The following ZNF227 variants were observed in gnomAD, a reference collection of about 807,000 sequenced individuals.
ZNF227 encodes zinc finger protein 227.
Under a neutral mutation model 13.2 loss-of-function variants are expected in ZNF227, and 12 were observed. The ratio of observed to expected loss-of-function variants is 0.91; its 90% CI spans 0.58 to 1.47. The LOEUF (loss-of-function observed/expected upper bound fraction) is 1.47. Ranked by LOEUF, ZNF227 falls within the 40% of genes most tolerant of loss-of-function variation. The pLI, the probability that ZNF227 is intolerant of heterozygous loss-of-function variation, is 0.00. For missense variants in ZNF227, 885 were observed against 967.5 expected, an observed-to-expected ratio of 0.91 and a Z score of 1.13; for synonymous variants, 338 against 326.0, an observed-to-expected ratio of 1.04 and a Z score of -0.40.
chr19:44,236,888 G>A lies in ZNF227; in HGVS notation c.*58G>A. On this transcript the variant is annotated 3_prime_UTR_variant, in exon 6 of 6. Transcript: ENST00000313040. ...ATGCACATCTTCAAGTTTTTGGCTA[G>A]TCCATGCTGGTGGTAAACCCTGTAA... 2.1e-6 allele frequency: 3 copies of A among 1,420,292 alleles called. No homozygotes were observed. The highest frequency in any genetic ancestry group is 2.9e-6 in the Non-Finnish European group (3 of 1,052,148). The allele number at this position is 1,420,292 out of a possible 1,614,324, so 88.0% of individuals were successfully genotyped here.
chr19:44,235,145 T>G lies in ZNF227; in HGVS notation c.715T>G (p.Ser239Ala). 3.1e-6 allele frequency: 5 copies of G among 1,614,112 alleles called. No homozygotes were observed. Among genetic ancestry groups the G allele is most frequent in the Non-Finnish European group, 4.2e-6 (5 of 1,180,022 alleles). Reference sequence around the variant, plus strand: ...ATATGGCAAAATCATTAGTGATGGCTCCAATCAGAAATTACCCTTAGGAGA... The same window carrying G: ...ATATGGCAAAATCATTAGTGATGGCGCCAATCAGAAATTACCCTTAGGAGA... Reference protein sequence around the residue: ...NEYGKIISDGSNQKLPLGEKP... With the variant: ...NEYGKIISDGANQKLPLGEKP... The change falls in exon 6 of 6, where the codon TCC becomes GCC. Residue 239 changes from serine to alanine, a missense_variant. By Grantham distance (99) the Ser-to-Ala change is moderately conservative. Transcript: ENST00000313040.
chr19:44,223,369 AT>A (rs1218217600), intron 3 of ZNF227, among the ~76,000 whole-genome samples: 1 of 152,186 alleles, frequency 6.6e-6, no homozygotes, highest in Non-Finnish European at 1.5e-5. Context: ...CTCTGGTAGA[AT>A]TCTGCTGTGA....
At chr19:44,230,926 A>AAAAAAAAAAAAAAAATATATATATATAT (rs1555792168) in intron 5 of ZNF227, among the ~76,000 whole-genome samples, 2 of 68,114 alleles carry the variant, frequency 2.9e-5, no homozygotes, top group African/African-American at 2.0e-4. Flanking sequence ...AAAAAAAAAA[A>AAAAAAAAAAAAAAAATATATATATATAT]ATATATATAT....
chr19:44,219,498 TAAAG>T (rs371339147), intron 3 of ZNF227, among the ~76,000 whole-genome samples: 1,555 of 152,096 alleles, frequency 0.01, 9 homozygotes, highest in Non-Finnish European at 0.017. Context: ...AGGAGTGTCA[TAAAG>T]AAAAGAAATT....
upstream of ZNF227, among the ~76,000 whole-genome samples, chr19:44,212,233 TC>T (rs1158344024): frequency 6.6e-6 from 1 of 151,958 alleles, no homozygotes; most frequent in African/African-American, 2.4e-5. Context: ...AAACCTAAAT[TC>T]CACTGACATC....
chr19:44,236,216 A>C lies in ZNF227; in HGVS notation c.1786A>C (p.Arg596=), dbSNP rs1333653919. Residue 596 remains arginine, a synonymous_variant, in exon 6 of 6, where the codon AGA becomes CGA. Coordinates refer to ENST00000313040, the MANE Select transcript of ZNF227 (RefSeq NM_182490.3). ...GAGATCAAATCTTCATGCACATCAA[A>C]GAGTTCACTCAGGAGAAAAACCCTA... The part of the protein sequence containing the change: ...SWRSNLHAHQ[R]VHSGEKPYKC... 10 of 1,614,052 alleles carry C rather than the reference A, an allele frequency of 6.2e-6. No individual in the cohort carries two copies. In the Admixed American group the frequency reaches 1.2e-4, roughly 19 times the overall value.
chr19:44,214,622 C>A (rs1238819761), intron 2 of ZNF227, among the ~76,000 whole-genome samples: 1 of 152,146 alleles, frequency 6.6e-6, no homozygotes, highest in African/African-American at 2.4e-5. Context: ...AGGTAATCCG[C>A]CCACCTCGGC....
At chr19:44,221,675 T>C (rs1251685286) in intron 3 of ZNF227, among the ~76,000 whole-genome samples, 1 of 152,208 alleles carries the variant, frequency 6.6e-6, no homozygotes, top group Non-Finnish European at 1.5e-5. Flanking sequence ...CTTTGTCAGA[T>C]GAGTAGGTTG....
At chr19:44,222,796 C>T (rs1315910045) in intron 3 of ZNF227, among the ~76,000 whole-genome samples, 4 of 151,718 alleles carry the variant, frequency 2.6e-5, no homozygotes, top group Non-Finnish European at 5.9e-5. Context: ...ACTTCCAACA[C>T]TATGTTGAAT....
At chr19:44,217,899 C>A in intron 3 of ZNF227, 47 bp downstream of exon 3, 1 of 1,594,670 alleles carries the variant, frequency 6.3e-7, no homozygotes, top group South Asian at 1.1e-5. Context: ...ATTTATTTCT[C>A]AAAGATAACA....
chr19:44,224,541 G>C (rs1488679317), intron 3 of ZNF227, among the ~76,000 whole-genome samples: 1 of 151,970 alleles, frequency 6.6e-6, no homozygotes, highest in African/African-American at 2.4e-5. Context: ...TGTCTCTTTT[G>C]ATCTTTGTTG....
rs145643100 is a variant in ZNF227, at chr19:44,236,535, A to G, written c.2105A>G (p.Asn702Ser). ...ECGKGFGRSL[N>S]LRHHQRVHTG... ...GGGAAAGGCTTTGGTAGGAGCTTGA[A>G]TCTTCGCCATCATCAGAGGGTCCAC... is the stretch of plus-strand genomic sequence containing the variant. The change falls in exon 6 of 6, where the codon AAT (asparagine) becomes AGT (serine). Residue 702 changes from asparagine to serine, a missense_variant. Coordinates refer to ENST00000313040, the MANE Select transcript of ZNF227 (RefSeq NM_182490.3). The G allele has an allele frequency of 5.0e-6, 8 of 1,613,592 alleles. No individual in the cohort carries two copies. Among genetic ancestry groups the G allele is most frequent in the Non-Finnish European group, 6.8e-6 (8 of 1,179,860 alleles).
At chr19:44,224,577 A>T (rs1004137952) in intron 3 of ZNF227, among the ~76,000 whole-genome samples, 2 of 152,116 alleles carry the variant, frequency 1.3e-5, no homozygotes, top group African/African-American at 2.4e-5. Flanking sequence ...TATCAGAGAC[A>T]AGGATTGCAA....
Position 44,234,903 on chromosome 19 carries a change from G to C in ZNF227, c.473G>C (p.Gly158Ala), listed in dbSNP as rs753652284. ...ENENNIMNPK[G>A]DSSIYIENQE... is the part of the protein sequence containing the mutation. ...GAGAACAATATAATGAACCCTAAAG[G>C]AGATAGCTCTATTTATATTGAAAAT... is the stretch of plus-strand genomic sequence containing the variant. Residue 158 changes from glycine (G) to alanine (A), a missense_variant, in exon 6 of 6, where the codon GGA becomes GCA. Gly to Ala is a moderately conservative substitution (Grantham distance 60, BLOSUM62 0). Coordinates refer to ENST00000313040, the MANE Select transcript of ZNF227 (RefSeq NM_182490.3). The C allele has an allele frequency of 6.2e-7, 1 of 1,612,972 alleles. No homozygotes were observed. The highest frequency in any genetic ancestry group is 1.1e-5 in the South Asian group (1 of 90,650).
Position 44,235,077 on chromosome 19 carries a change from A to G in ZNF227, c.647A>G (p.His216Arg). 2 of 1,613,830 alleles carry G rather than the reference A, an allele frequency of 1.2e-6. No homozygotes were observed. Among genetic ancestry groups the G allele is most frequent in the African/African-American group, 1.3e-5 (1 of 75,046 alleles). Residue 216 changes from histidine (H) to arginine (R), a missense_variant, in exon 6 of 6, where the codon CAT becomes CGT. Coordinates refer to ENST00000313040, the MANE Select transcript of ZNF227 (RefSeq NM_182490.3). ...ATGAAGAAATCACCATTTCATGAGC[A>G]TATTAAAACTGACACAGAACCAAAA... ...DFMKKSPFHE[H>R]IKTDTEPKPC...
chr19:44,228,703 G>T, intron 4 of ZNF227, 131 bp downstream of exon 4: 1 of 1,175,686 alleles, frequency 8.5e-7, no homozygotes. Flanking sequence ...TAATCCCTGG[G>T]AAAACAGGAT....
chr19:44,235,324 A>G lies in ZNF227; in HGVS notation c.894A>G (p.Arg298=). The G allele has an allele frequency of 6.2e-7, 1 of 1,614,166 alleles. No individual in the cohort carries two copies. Among genetic ancestry groups the G allele is most frequent in the South Asian group, 1.1e-5 (1 of 91,086 alleles). The part of the protein sequence containing the change: ...QRIHPGEKLN[R]CHESGDCFNK... ...TTCACCCAGGAGAGAAACTCAATAG[A>G]TGTCATGAATCTGGTGATTGCTTCA... The change falls in exon 6 of 6, where the codon AGA becomes AGG. Residue 298 remains arginine (R), a synonymous_variant. Transcript: ENST00000313040.
At chr19:44,234,152 T>C (rs998921302) in intron 5 of ZNF227, among the ~76,000 whole-genome samples, 3 of 152,198 alleles carry the variant, frequency 2.0e-5, no homozygotes, top group African/African-American at 7.2e-5. Flanking sequence ...TTATACAAGA[T>C]TAGCTTTCCC....
chr19:44,215,283 C>T (rs191742708), intron 2 of ZNF227, among the ~76,000 whole-genome samples: 76 of 151,674 alleles, frequency 5.0e-4, no homozygotes, highest in African/African-American at 1.7e-3. Flanking sequence ...TCTCCTGCCT[C>T]AGCCTCCCGA....
Sources: allele counts gnomAD v4.1 joint callset (sites outside exome capture counted in the v4.1 genomes callset), GRCh38; gene constraint gnomAD v4.1.1; transcripts MANE v1.5; gene names NCBI Gene and HGNC (gene_info 2026-07-23, HGNC 2026-07-21).